Variants in PARD3B observed in about 807,000 individuals in gnomAD.
The protein encoded by PARD3B is partitioning defective 3 homolog B.
PARD3B carries 103 observed loss-of-function variants against 130.2 expected under a neutral mutation model. The ratio of observed to expected loss-of-function variants is 0.79; its 90% CI spans 0.67 to 0.93. The LOEUF (loss-of-function observed/expected upper bound fraction) is 0.93, where lower values mean the gene tolerates loss of function less well. Among genes scored for constraint, PARD3B ranks in the 40% least tolerant of loss-of-function variants. The pLI is 0.00. For synonymous variants in PARD3B, 583 were observed against 553.2 expected (o/e 1.05, Z -0.76); for missense variants, 1,609 against 1,499.2 (o/e 1.07, Z -1.21).
intron 2 of PARD3B, among the ~76,000 whole-genome samples, chr2:204,728,153 G>A (rs1388367706): frequency 2.0e-5 from 3 of 152,116 alleles, no homozygotes; most frequent in Admixed American, 6.6e-5. Flanking sequence ...GTTCTCCATC[G>A]TGAAGAGGCA....
intron 18 of PARD3B, among the ~76,000 whole-genome samples, chr2:205,347,578 G>C (rs2043839559): frequency 6.6e-6 from 1 of 152,132 alleles, no homozygotes; most frequent in South Asian, 2.1e-4. Context: ...AAGTGGATCA[G>C]GAAGAATCCT....
intron 4 of PARD3B, among the ~76,000 whole-genome samples, chr2:205,066,201 AC>A (rs1700367256): frequency 6.6e-6 from 1 of 152,174 alleles, no homozygotes; most frequent in Non-Finnish European, 1.5e-5. Context: ...TGGCTGAGGT[AC>A]TAATCTTAAT....
intron 4 of PARD3B, among the ~76,000 whole-genome samples, chr2:205,077,468 C>G (rs1701138077): frequency 6.6e-6 from 1 of 152,150 alleles, no homozygotes; most frequent in South Asian, 2.1e-4. Flanking sequence ...GCAGAACACT[C>G]TCAGTATTTG....
chr2:204,841,998 T>C (rs1043424726), intron 2 of PARD3B, among the ~76,000 whole-genome samples: 13 of 152,174 alleles, frequency 8.5e-5, no homozygotes. Flanking sequence ...AGGTTGGTAA[T>C]ATTCCAGAAG....
intron 2 of PARD3B, among the ~76,000 whole-genome samples, chr2:204,922,395 A>G (rs913700985): frequency 2.0e-5 from 3 of 152,164 alleles, no homozygotes; most frequent in Non-Finnish European, 4.4e-5. Context: ...AAGGTAGTCA[A>G]CACTATCACA....
Position 204,623,980 on chromosome 2 carries a change from C to A in PARD3B, c.121-62201C>A, listed in dbSNP as rs1385786839. Among the ~76,000 whole-genome samples, 2 of 152,106 alleles carry A rather than the reference C, an allele frequency of 1.3e-5. No homozygotes were observed. The highest frequency in any genetic ancestry group is 2.9e-5 in the Non-Finnish European group (2 of 67,996). On this transcript the variant is annotated intron_variant, in intron 1 of 22. Transcript: ENST00000406610. This position sits in a 1 kb window ranked among gnomAD's most constrained non-coding sequence, Gnocchi z 4.5. Reference sequence around the variant, plus strand: ...CTGTCCATGTCATTGGCAGGACTTTCTTTTTAGAGGCTGCATAATATTCCA... The same window carrying A: ...CTGTCCATGTCATTGGCAGGACTTTATTTTTAGAGGCTGCATAATATTCCA...
chr2:205,568,217 T>A lies in PARD3B; in HGVS notation c.3260+14814T>A, dbSNP rs1395323821. Among the ~76,000 whole-genome samples the A allele has an allele frequency of 6.6e-6, 1 of 152,140 alleles. No homozygotes were observed. The highest frequency in any genetic ancestry group is 1.5e-5 in the Non-Finnish European group (1 of 68,032). The stretch of plus-strand genomic sequence containing the variant: ...CAAAGCAGATCAGTTGTGGTTGCCT[T>A]TCGTGAGAGAAAACATATGAGATTA... On this transcript the variant is annotated intron_variant, in intron 22 of 22. Transcript: ENST00000406610. The surrounding 1 kb of genome is among the most constrained non-coding windows in gnomAD (Gnocchi z 5.3).
chr2:204,992,770 G>T (rs970188473), intron 3 of PARD3B, among the ~76,000 whole-genome samples: 2 of 141,822 alleles, frequency 1.4e-5, no homozygotes, highest in African/African-American at 5.3e-5. Context: ...GTGGTTTGTA[G>T]TTCTCCTTGA....
intron 11 of PARD3B, among the ~76,000 whole-genome samples, chr2:205,171,129 G>C (rs2035151795): frequency 1.3e-5 from 2 of 152,216 alleles, no homozygotes; most frequent in African/African-American, 4.8e-5. Flanking sequence ...AGGGTAAACT[G>C]TTACACACCT....
intron 15 of PARD3B, among the ~76,000 whole-genome samples, chr2:205,207,469 A>G (rs1319905259): frequency 2.0e-5 from 3 of 147,568 alleles, no homozygotes; most frequent in Non-Finnish European, 4.4e-5. Context: ...ATAGACCGCT[A>G]GCAAGACTAA....
intron 2 of PARD3B, among the ~76,000 whole-genome samples, chr2:204,947,482 A>G (rs554092098): frequency 6.6e-6 from 1 of 152,310 alleles, no homozygotes; most frequent in South Asian, 2.1e-4. Flanking sequence ...AAGCCAGAAT[A>G]GTGGGAACTA....
intron 2 of PARD3B, among the ~76,000 whole-genome samples, chr2:204,773,080 A>T (rs1449351381): frequency 6.6e-6 from 1 of 152,024 alleles, no homozygotes; most frequent in Non-Finnish European, 1.5e-5. Context: ...TAGATTTATG[A>T]ATAATATATT....
intron 19 of PARD3B, among the ~76,000 whole-genome samples, chr2:205,425,569 C>T (rs1025084055): frequency 1.7e-5 from 2 of 120,438 alleles, no homozygotes; most frequent in Admixed American, 8.2e-5. Flanking sequence ...AAAAAAAAAA[C>T]AACAACATTT....
intron 2 of PARD3B, among the ~76,000 whole-genome samples, chr2:204,919,910 T>A (rs2047599126): frequency 6.6e-6 from 1 of 152,030 alleles, no homozygotes; most frequent in Non-Finnish European, 1.5e-5. Context: ...TCTTTAGCTG[T>A]CTGTTCCAGA....
At chr2:204,741,878 A>T (rs2040023107) in intron 2 of PARD3B, among the ~76,000 whole-genome samples, 2 of 151,996 alleles carry the variant, frequency 1.3e-5, no homozygotes, top group African/African-American at 4.8e-5. Flanking sequence ...TAAAGGATTC[A>T]GCAAACCCCT....
rs994822399 is a variant in PARD3B, at chr2:205,618,500, C to T, written c.*2687C>T. On this transcript the variant is annotated 3_prime_UTR_variant, in exon 23 of 23. Coordinates refer to ENST00000406610, the MANE Select transcript of PARD3B (RefSeq NM_001302769.2). ...CAATTTATTTATGGCCTTGGGAAAACTCAATCCGGTGTCTCCTTGTAGCTC... is the reference window on the plus strand; with the variant it reads ...CAATTTATTTATGGCCTTGGGAAAATTCAATCCGGTGTCTCCTTGTAGCTC... 2.0e-5 allele frequency: 3 copies of T among 152,162 alleles called. No homozygotes were observed. The highest frequency in any genetic ancestry group is 7.2e-5 in the African/African-American group (3 of 41,432). 9.4% of individuals were successfully genotyped at this position (152,162 alleles called of 1,614,324 possible). A position where few individuals can be genotyped will look rare whatever the true frequency, so the allele number is the denominator to read the frequency against.
chr2:204,846,001 ATAAT>A (rs2044449598), intron 2 of PARD3B, among the ~76,000 whole-genome samples: 1 of 152,094 alleles, frequency 6.6e-6, no homozygotes, highest in South Asian at 2.1e-4. Flanking sequence ...TGGGAATAGA[ATAAT>A]TAATGGTCAA....
rs1411184781 is a variant in PARD3B, at chr2:205,572,531, G to T, written c.3260+19128G>T. 6.6e-6 allele frequency among the ~76,000 whole-genome samples: 1 copy of T among 152,184 alleles called. No homozygotes were observed. The highest frequency in any genetic ancestry group is 2.4e-5 in the African/African-American group (1 of 41,452). ...AGGCCAAGGCAGGCGGATTGCCTGAGCTCAGGAGTTTGAGACCACCCCAAA... is the reference window on the plus strand; with the variant it reads ...AGGCCAAGGCAGGCGGATTGCCTGATCTCAGGAGTTTGAGACCACCCCAAA... On this transcript the variant is annotated intron_variant, in intron 22 of 22. Transcript: ENST00000406610. This position sits in a 1 kb window ranked among gnomAD's most constrained non-coding sequence, Gnocchi z 4.2.
chr2:204,711,887 G>T (rs1428225102), intron 2 of PARD3B, among the ~76,000 whole-genome samples: 1 of 152,092 alleles, frequency 6.6e-6, no homozygotes, highest in Non-Finnish European at 1.5e-5. Flanking sequence ...GAAAACAAAT[G>T]TGCAGAAAGG....
Sources: allele counts gnomAD v4.1 joint callset (sites outside exome capture counted in the v4.1 genomes callset), GRCh38; gene constraint gnomAD v4.1.1; non-coding constraint Gnocchi (gnomAD v3.1); transcripts MANE v1.5; gene names NCBI Gene and HGNC (gene_info 2026-07-23, HGNC 2026-07-21).